Variants in PSAP observed in about 807,000 individuals in gnomAD.
The protein encoded by PSAP is precursor of saposins.
PSAP carries 25 observed loss-of-function variants against 66.0 expected under a neutral mutation model. That is an observed-to-expected ratio of 0.38 (90% CI 0.28 to 0.53). The LOEUF (loss-of-function observed/expected upper bound fraction) is 0.53. Ranked by LOEUF, PSAP falls within the 20% of genes least tolerant of loss-of-function variation. The probability of loss-of-function intolerance (pLI) is 0.83; values close to 1 mark genes in which losing one functional copy is unlikely to be tolerated. For missense variants in PSAP, 649 were observed against 668.8 expected (o/e 0.97, Z 0.33); for synonymous variants, 273 against 258.9 (o/e 1.05, Z -0.52).
intron 9 of PSAP, 92 bp from the exon 10 acceptor site, chr10:71,819,992 T>G: frequency 5.0e-5 from 50 of 993,146 alleles, no homozygotes; most frequent in Non-Finnish European, 6.9e-5. Flanking sequence ...AGGAAATGAG[T>G]CAATGGTGGG....
chr10:71,827,054 G>A (rs895910906), intron 6 of PSAP, among the ~76,000 whole-genome samples: 1 of 152,152 alleles, frequency 6.6e-6, no homozygotes, highest in African/African-American at 2.4e-5. Context: ...CTTGCTGCAG[G>A]AGCACAGCTG....
At chr10:71,818,517 G>T in intron 13 of PSAP, 100 bp downstream of exon 13, 1 of 1,035,468 alleles carries the variant, frequency 9.7e-7, no homozygotes, top group Non-Finnish European at 1.5e-6. Context: ...CATAAAAGCA[G>T]GGTGGAGAGT....
chr10:71,850,873 C>T (rs1198470395), intron 1 of PSAP, among the ~76,000 whole-genome samples: 2 of 152,250 alleles, frequency 1.3e-5, no homozygotes, highest in South Asian at 4.1e-4. Flanking sequence ...CACCCACCCC[C>T]ACAGTGGGAA....
chr10:71,819,618 GTGAACTACA>G lies in PSAP; in HGVS notation c.1193-5_1196del. 6.2e-7 allele frequency: 1 copy of G among 1,614,152 alleles called. No individual in the cohort carries two copies. The highest frequency in any genetic ancestry group is 8.5e-7 in the Non-Finnish European group (1 of 1,180,030). On this transcript the variant is annotated splice_acceptor_variant and splice_polypyrimidine_tract_variant and coding_sequence_variant and intron_variant, in exon 11 of 14. Coordinates refer to ENST00000394936, the MANE Select transcript of PSAP (RefSeq NM_002778.4). LOFTEE classifies it high-confidence loss of function. ...AGCCACCGTCCTTTGGCTGAGTCACGTGAACTACATAAGAGGGCAGCGGGCTCAACGCTG... is the reference window on the plus strand; with the variant it reads ...AGCCACCGTCCTTTGGCTGAGTCACGTAAGAGGGCAGCGGGCTCAACGCTG...
At chr10:71,850,242 T>C (rs1842901996) in intron 1 of PSAP, among the ~76,000 whole-genome samples, 1 of 152,084 alleles carries the variant, frequency 6.6e-6, no homozygotes, top group Non-Finnish European at 1.5e-5. Flanking sequence ...TTCATTTCCA[T>C]AGAAATATTT....
chr10:71,849,878 G>A (rs550854663), intron 1 of PSAP, among the ~76,000 whole-genome samples: 1 of 151,880 alleles, frequency 6.6e-6, no homozygotes, highest in Non-Finnish European at 1.5e-5. Context: ...ACCCTATATC[G>A]CCTTCAATAC....
At chr10:71,822,730 C>G in intron 7 of PSAP, 1 of 425,884 alleles carries the variant, frequency 2.3e-6, no homozygotes, top group Non-Finnish European at 5.0e-6. Context: ...TAAATGCAAC[C>G]AGCAACTAGC....
rs11555016 is a variant in PSAP at position 71,834,393 on chromosome 10, G to A, written c.153C>T (p.Thr51=). 2.7e-5 allele frequency: 43 copies of A among 1,613,870 alleles called. No homozygotes were observed. Among genetic ancestry groups the A allele is most frequent in the Middle Eastern group, 1.7e-4 (1 of 6,042 alleles). The change falls in exon 2 of 14, where the codon ACC becomes ACT. Residue 51 remains threonine (T), a synonymous_variant. Coordinates refer to ENST00000394936, the MANE Select transcript of PSAP (RefSeq NM_002778.4). ...DCGAVKHCLQ[T]VWNKPTVKSL... Reference sequence around the variant, plus strand: ...TCACCACTGTTGGCTTGTTCCAAACGGTCTGCAGGCAGTGCTTCACTGCCC... The same window carrying A: ...TCACCACTGTTGGCTTGTTCCAAACAGTCTGCAGGCAGTGCTTCACTGCCC...
intron 7 of PSAP, chr10:71,825,578 AACGGG>A: frequency 3.6e-6 from 2 of 554,572 alleles, no homozygotes; most frequent in Non-Finnish European, 6.9e-6. Context: ...GGCTGGCCTG[AACGGG>A]CAGAGGCAAA....
intron 7 of PSAP, chr10:71,822,338 C>T: frequency 2.4e-6 from 1 of 418,036 alleles, no homozygotes; most frequent in South Asian, 2.1e-5. Context: ...TAGAATGTGT[C>T]TTTTCAGGTC....
At chr10:71,828,734 T>G in intron 5 of PSAP, 143 bp downstream of exon 5, 1 of 819,908 alleles carries the variant, frequency 1.2e-6, no homozygotes, top group Non-Finnish European at 1.9e-6. Flanking sequence ...GTACAACCAT[T>G]TAAAGGCTGG....
intron 9 of PSAP, 151 bp from the exon 10 acceptor site, chr10:71,820,051 G>C (rs1428810582): frequency 2.5e-5 from 23 of 919,260 alleles, no homozygotes; most frequent in Non-Finnish European, 4.0e-5. Context: ...CAGGGCAATG[G>C]TGTCCACCTC....
rs1377492253 is a variant in PSAP at position 71,816,344 on chromosome 10, A to C, written c.*1097T>G. 1 of 463,878 alleles carries C rather than the reference A, an allele frequency of 2.2e-6. No individual in the cohort carries two copies. The highest frequency in any genetic ancestry group is 4.5e-6 in the Non-Finnish European group (1 of 220,820). The allele number at this position is 463,878 out of a possible 1,614,324, so 28.7% of individuals were successfully genotyped here. A position where few individuals can be genotyped will look rare whatever the true frequency, so the allele number is the denominator to read the frequency against. ...GTTAAATCACAGAAACTTTAGTGCA[A>C]AACAAAAATCACGAAGTCCATTTAA... On this transcript the variant is annotated 3_prime_UTR_variant, in exon 14 of 14. Transcript: ENST00000394936.
rs185300414 is a variant in PSAP, at chr10:71,830,254, G to A, written c.375+872C>T. On this transcript the variant is annotated intron_variant, in intron 4 of 13. Coordinates refer to ENST00000394936, the MANE Select transcript of PSAP (RefSeq NM_002778.4). ...CCACCTTTATCTTCTCAGAAACCAGGGAGACATTTATAGCTCTTCCTCTCC... is the reference window on the plus strand; with the variant it reads ...CCACCTTTATCTTCTCAGAAACCAGAGAGACATTTATAGCTCTTCCTCTCC... Among the ~76,000 whole-genome samples, 341 of 152,160 alleles carry A rather than the reference G, an allele frequency of 2.2e-3. 1 individual carries two copies. The highest frequency in any genetic ancestry group is 7.6e-3 in the African/African-American group (314 of 41,494).
intron 1 of PSAP, among the ~76,000 whole-genome samples, chr10:71,849,302 G>A (rs2394846): frequency 1.1e-4 from 16 of 152,036 alleles, no homozygotes; most frequent in Non-Finnish European, 1.9e-4. Context: ...ATACATTCTT[G>A]AGAGCTGCTG....
At chr10:71,833,039 C>CAAAAAAAAA (rs1273324060) in intron 2 of PSAP, among the ~76,000 whole-genome samples, 1 of 95,012 alleles carries the variant, frequency 1.1e-5, no homozygotes, top group Admixed American at 1.0e-4. Flanking sequence ...AAACAAAAAA[C>CAAAAAAAAA]AAAAACAGAA....
chr10:71,829,194 C>A, intron 4 of PSAP, 117 bp from the exon 5 acceptor site: 1 of 1,018,582 alleles, frequency 9.8e-7, no homozygotes, highest in South Asian at 1.3e-5. Context: ...AAACACAAAC[C>A]TGTTGTCTAA....
chr10:71,843,610 T>C (rs781272638), intron 1 of PSAP, among the ~76,000 whole-genome samples: 1 of 152,230 alleles, frequency 6.6e-6, no homozygotes, highest in African/African-American at 2.4e-5. Context: ...ATTTTTACAT[T>C]TGCAAGTCTC....
intron 1 of PSAP, among the ~76,000 whole-genome samples, chr10:71,840,316 C>G (rs1354497144): frequency 6.6e-6 from 1 of 152,148 alleles, no homozygotes; most frequent in Non-Finnish European, 1.5e-5. Context: ...TGCTAGGAAA[C>G]CAAGAGAGGA....
Sources: allele counts gnomAD v4.1 joint callset (sites outside exome capture counted in the v4.1 genomes callset), GRCh38; gene constraint gnomAD v4.1.1; transcripts MANE v1.5; gene names NCBI Gene and HGNC (gene_info 2026-07-23, HGNC 2026-07-21).